USH2A: variants seen among roughly 807,000 people sequenced by gnomAD.
The protein encoded by USH2A is Usher syndrome 2A (autosomal recessive, mild).
In USH2A, 443 loss-of-function variants were observed where a neutral mutation model predicts 538.9. The ratio of observed to expected loss-of-function variants is 0.82; its 90% CI spans 0.76 to 0.89. USH2A has a LOEUF of 0.89. USH2A is among the 40% of genes least tolerant of loss of function. The pLI is 0.00. For synonymous variants in USH2A, 2,413 were observed against 2,273.5 expected (o/e 1.06, Z -1.75); for missense variants, 6,633 against 6,324.8 (o/e 1.05, Z -1.65).
intron 11 of USH2A, among the ~76,000 whole-genome samples, chr1:216,282,095 A>C (rs1201403110): frequency 1.3e-5 from 2 of 152,104 alleles, no homozygotes; most frequent in Admixed American, 6.6e-5. Context: ...CATATATACT[A>C]GACAAGCTTC....
intron 43 of USH2A, among the ~76,000 whole-genome samples, chr1:215,870,149 T>G (rs1415741056): frequency 3.3e-5 from 5 of 152,308 alleles, no homozygotes; most frequent in Non-Finnish European, 5.9e-5. Context: ...TTTCCAATAT[T>G]ACACTATTTC....
intron 7 of USH2A, 111 bp downstream of exon 7, chr1:216,324,057 C>T (rs2037674785): frequency 5.7e-6 from 7 of 1,220,808 alleles, no homozygotes; most frequent in Non-Finnish European, 8.0e-6. Flanking sequence ...GAATCTGCCT[C>T]AAGGAAGTTG....
chr1:215,763,363 G>C (rs1263933448), intron 56 of USH2A, among the ~76,000 whole-genome samples: 1 of 152,154 alleles, frequency 6.6e-6, no homozygotes, highest in Non-Finnish European at 1.5e-5. Flanking sequence ...AGATGGGTAG[G>C]AAGTAGGTGG....
intron 19 of USH2A, among the ~76,000 whole-genome samples, chr1:216,190,582 T>C (rs554670378): frequency 6.6e-6 from 1 of 151,414 alleles, no homozygotes; most frequent in Admixed American, 6.6e-5. Flanking sequence ...GAGGTAATAA[T>C]CCAGTTCCTG....
chr1:215,934,192 T>G (rs1666434151), intron 38 of USH2A, among the ~76,000 whole-genome samples: 2 of 152,006 alleles, frequency 1.3e-5, no homozygotes, highest in Non-Finnish European at 2.9e-5. Context: ...ACTTTAAGTA[T>G]ACAATTGAAC....
chr1:215,975,512 G>A (rs903474500), intron 35 of USH2A, among the ~76,000 whole-genome samples: 3 of 152,002 alleles, frequency 2.0e-5, no homozygotes, highest in Non-Finnish European at 4.4e-5. Flanking sequence ...ATGAAAAGTA[G>A]GGGTCTGGTT....
At chr1:216,003,649 A>G (rs1201933157) in intron 32 of USH2A, among the ~76,000 whole-genome samples, 2 of 152,146 alleles carry the variant, frequency 1.3e-5, no homozygotes, top group African/African-American at 4.8e-5. Context: ...TGGCTGGAGC[A>G]GAACAAATTA....
At position 215,975,287 on chromosome 1, in the gene USH2A, T is replaced by C. The variant is rs555270476; in HGVS notation, c.6806-4511A>G. Among the ~76,000 whole-genome samples the C allele has an allele frequency of 2.6e-5, 4 of 152,338 alleles. No homozygotes were observed. In the South Asian group the frequency reaches 8.3e-4, roughly 32 times the overall value. On this transcript the variant is annotated intron_variant, in intron 35 of 71. Transcript: ENST00000307340. ...CCCACTCTGTAATTTGTCTGTTTAC[T>C]CTGTTGATAGTTTATTTTGCTGTGC...
chr1:215,912,162 C>T (rs141901073), intron 38 of USH2A, among the ~76,000 whole-genome samples: 30 of 151,924 alleles, frequency 2.0e-4, no homozygotes, highest in African/African-American at 6.0e-4. Flanking sequence ...TCCTTCACTT[C>T]GTTGATTGCA....
intron 20 of USH2A, among the ~76,000 whole-genome samples, chr1:216,176,741 C>T (rs1228406766): frequency 6.6e-6 from 1 of 152,136 alleles, no homozygotes; most frequent in African/African-American, 2.4e-5. Context: ...CCCCAGGTAA[C>T]TACTCATCTC....
chr1:216,277,178 C>T (rs1440642604), intron 11 of USH2A, among the ~76,000 whole-genome samples: 2 of 152,090 alleles, frequency 1.3e-5, no homozygotes, highest in African/African-American at 2.4e-5. Flanking sequence ...TCTATGATCC[C>T]TCAGCATCTT....
chr1:215,647,574 G>T lies in USH2A; in HGVS notation c.14739C>A (p.Asn4913Lys). The T allele has an allele frequency of 6.2e-7, 1 of 1,614,090 alleles. No homozygotes were observed. The change falls in exon 67 of 72, where the codon AAC (asparagine) becomes AAA (lysine). Residue 4913 changes from asparagine (N) to lysine (K), a missense_variant. By Grantham distance (94) the Asn-to-Lys change is moderately conservative. Transcript: ENST00000307340. ...ACTCGGAAGCCGTACTGCCCACCTC[G>T]TTGTGTGCCACCACTCTCAGCTTGT... ...TTYKLRVVAH[N>K]EVGSTASEWI... is the part of the protein sequence containing the mutation.
intron 9 of USH2A, among the ~76,000 whole-genome samples, chr1:216,311,080 C>T (rs1232375618): frequency 6.6e-6 from 1 of 152,180 alleles, no homozygotes. Context: ...CCGAGGAGAA[C>T]AGTGAAATAA....
intron 44 of USH2A, among the ~76,000 whole-genome samples, chr1:215,859,670 C>A (rs1279617375): frequency 6.6e-6 from 1 of 152,052 alleles, no homozygotes; most frequent in African/African-American, 2.4e-5. Flanking sequence ...GTCCTGGAAC[C>A]AATCGCCTGC....
chr1:216,073,260 A>G lies in USH2A; in HGVS notation c.5613T>C (p.Gly1871=). The change falls in exon 28 of 72, where the codon GGT becomes GGC. Residue 1871 remains glycine, a synonymous_variant. Coordinates refer to ENST00000307340, the MANE Select transcript of USH2A (RefSeq NM_206933.4). ...ACACAGATGCCAAGTTAACGACAGC[A>G]CCCCGTGTAAATTTAACATCCTTCA... The part of the protein sequence containing the change: ...GCMKDVKFTR[G]AVVNLASVSS... 6.2e-7 allele frequency: 1 copy of G among 1,613,800 alleles called. No homozygotes were observed.
At chr1:215,769,204 G>C (rs1198856541) in intron 55 of USH2A, among the ~76,000 whole-genome samples, 1 of 152,154 alleles carries the variant, frequency 6.6e-6, no homozygotes, top group Non-Finnish European at 1.5e-5. Flanking sequence ...GTAGCTAAAA[G>C]TAAACAGATA....
intron 61 of USH2A, among the ~76,000 whole-genome samples, chr1:215,694,220 C>T (rs1221837200): frequency 6.6e-6 from 1 of 152,122 alleles, no homozygotes. Context: ...TACAAATTCG[C>T]AACTCATACC....
intron 15 of USH2A, 80 bp from the exon 16 acceptor site, chr1:216,207,511 A>C (rs1204116586): frequency 2.6e-6 from 4 of 1,556,394 alleles, no homozygotes; most frequent in Non-Finnish European, 2.7e-6. Flanking sequence ...TATCCAGCAA[A>C]GAGGTCTTTC....
chr1:216,221,433 A>G (rs553728239), intron 14 of USH2A, among the ~76,000 whole-genome samples: 11 of 152,348 alleles, frequency 7.2e-5, no homozygotes, highest in African/African-American at 2.4e-4. Flanking sequence ...GACTACTAAC[A>G]GCATCTGAAT....
Sources: allele counts gnomAD v4.1 joint callset (sites outside exome capture counted in the v4.1 genomes callset), GRCh38; gene constraint gnomAD v4.1.1; transcripts MANE v1.5; gene names NCBI Gene and HGNC (gene_info 2026-07-23, HGNC 2026-07-21).